The following SOD1 variants were observed in gnomAD, a reference collection of about 807,000 sequenced individuals.
SOD1 encodes the protein superoxide dismutase [Cu-Zn].
SOD1 carries 8 observed loss-of-function variants against 15.9 expected under a neutral mutation model. The observed-to-expected ratio is 0.50, with a 90% CI of 0.30 to 0.91. The LOEUF is 0.91. Ranked by LOEUF, SOD1 falls within the 40% of genes least tolerant of loss-of-function variation. The pLI is 0.07. For synonymous variants in SOD1, 86 were observed against 71.2 expected, an observed-to-expected ratio of 1.21 and a Z score of -1.04; for missense variants, 137 against 194.5, an observed-to-expected ratio of 0.70 and a Z score of 1.76.
In SOD1 at chr21:31,667,844, C is replaced by A. The variant is rs17881732; in HGVS notation, c.357+469C>A. Among the ~76,000 whole-genome samples the A allele has an allele frequency of 0.016, 2,498 of 152,252 alleles. 31 individuals carry two copies. Among genetic ancestry groups the A allele is most frequent in the Middle Eastern group, 0.034 (10 of 294 alleles). On this transcript the variant is annotated intron_variant, in intron 4 of 4. Coordinates refer to ENST00000270142, the MANE Select transcript of SOD1 (RefSeq NM_000454.5). Reference sequence around the variant, plus strand: ...CCTGGGGAACTGCATCTGGTTCTTGCAAAACACCAAGTAGACAGGCTCTCT... The same window carrying A: ...CCTGGGGAACTGCATCTGGTTCTTGAAAAACACCAAGTAGACAGGCTCTCT...
chr21:31,668,435 G>C, intron 4 of SOD1, 36 bp from the exon 5 acceptor site: 1 of 1,485,564 alleles, frequency 6.7e-7, no homozygotes, highest in African/African-American at 1.4e-5. Context: ...GTGATTACTT[G>C]ACAGCCCAAA....
intron 1 of SOD1, chr21:31,661,496 T>A (rs2049548406): frequency 6.6e-6 from 1 of 152,466 alleles, no homozygotes. Flanking sequence ...CCCGGGTAGC[T>A]GGGACTACAG....
intron 4 of SOD1, 94 bp from the exon 5 acceptor site, chr21:31,668,374 CTAA>C (rs2049616611): frequency 3.7e-6 from 3 of 814,822 alleles, no homozygotes; most frequent in Admixed American, 1.8e-5. Context: ...TGTTATTTTT[CTAA>C]TATTATGAGG....
intron 3 of SOD1, chr21:31,666,947 AAATTT>A (rs1051369463): frequency 8.6e-5 from 36 of 417,696 alleles, no homozygotes; most frequent in South Asian, 2.0e-4. Context: ...GAAAAATATT[AAATTT>A]AAGGACAAGA....
chr21:31,668,795 T>C lies in SOD1; in HGVS notation c.*217T>C, dbSNP rs1161045457. 9.3e-6 allele frequency: 5 copies of C among 534,830 alleles called. No individual in the cohort carries two copies. In the African/African-American group the frequency reaches 9.6e-5, roughly 10 times the overall value. The allele number at this position is 534,830 out of a possible 1,614,324, so 33.1% of individuals were successfully genotyped here. On this transcript the variant is annotated 3_prime_UTR_variant, in exon 5 of 5. Transcript: ENST00000270142. ...AACTCAGTTAAAATGTCTGTTTCAATGACCTGTATTTTGCCAGACTTAAAT... is the reference window on the plus strand; with the variant it reads ...AACTCAGTTAAAATGTCTGTTTCAACGACCTGTATTTTGCCAGACTTAAAT...
In SOD1 at chr21:31,666,531, T is replaced by G; in HGVS notation, c.239+13T>G. 1 of 1,581,040 alleles carries G rather than the reference T, an allele frequency of 6.3e-7. No homozygotes were observed. The highest frequency in any genetic ancestry group is 8.7e-7 in the Non-Finnish European group (1 of 1,150,560). ...AGGATGAAGAGAGGTAACAAGATGCTTAACTCTTGTAATAATGGCGATAGC... is the reference window on the plus strand; with the variant it reads ...AGGATGAAGAGAGGTAACAAGATGCGTAACTCTTGTAATAATGGCGATAGC... On this transcript the variant is annotated intron_variant, in intron 3 of 4. Transcript: ENST00000270142.
Position 31,668,478 on chromosome 21 carries a change from A to G in SOD1, c.365A>G (p.Glu122Gly), listed in dbSNP as rs1555836922. 1.2e-6 allele frequency: 2 copies of G among 1,613,720 alleles called. No homozygotes were observed. The highest frequency in any genetic ancestry group is 2.2e-5 in the East Asian group (1 of 44,854). Reference sequence around the variant, plus strand: ...TCTTAAAATTTTTTACAGGTCCATGAAAAAGCAGATGACTTGGGCAAAGGT... The same window carrying G: ...TCTTAAAATTTTTTACAGGTCCATGGAAAAGCAGATGACTTGGGCAAAGGT... ...CIIGRTLVVH[E>G]KADDLGKGGN... The change falls in exon 5 of 5, where the codon GAA (glutamate) becomes GGA (glycine). Residue 122 changes from glutamate to glycine, a missense_variant. Physicochemically the swap from Glu to Gly is moderately conservative, Grantham distance 98. Transcript: ENST00000270142.
At chr21:31,665,906 A>C (rs551177192) in intron 2 of SOD1, among the ~76,000 whole-genome samples, 39 of 152,090 alleles carry the variant, frequency 2.6e-4, no homozygotes, top group African/African-American at 9.4e-4. Flanking sequence ...TACAGTGAAG[A>C]AGCCAAAGCC....
At chr21:31,666,262 C>G (rs145990495) in intron 2 of SOD1, among the ~76,000 whole-genome samples, 187 bp from the exon 3 acceptor site, 1 of 152,286 alleles carries the variant, frequency 6.6e-6, no homozygotes, top group African/African-American at 2.4e-5. Flanking sequence ...GTGTTAGCCA[C>G]CATGCCTGGC....
intron 4 of SOD1, 142 bp from the exon 5 acceptor site, chr21:31,668,326 AACT>A (rs1469133222): frequency 1.5e-6 from 1 of 647,216 alleles, no homozygotes; most frequent in African/African-American, 1.8e-5. Flanking sequence ...TCTACTTTTA[AACT>A]ACTAAATATT....
intron 2 of SOD1, among the ~76,000 whole-genome samples, chr21:31,664,852 G>A (rs17882986): frequency 2.8e-4 from 42 of 152,170 alleles, no homozygotes; most frequent in African/African-American, 8.9e-4. Flanking sequence ...TCCTGACCTC[G>A]TGATCCGCCT....
chr21:31,660,007 G>A, intron 1 of SOD1, 166 bp downstream of exon 1: 1 of 535,298 alleles, frequency 1.9e-6, no homozygotes, highest in Non-Finnish European at 3.1e-6. Flanking sequence ...CAGCGGTGCG[G>A]TGCCCAAGTG....
intron 2 of SOD1, chr21:31,664,218 C>T (rs1195527881): frequency 6.0e-6 from 2 of 333,056 alleles, no homozygotes; most frequent in African/African-American, 2.1e-5. Context: ...AGTGGTCTAT[C>T]CTCCTCGACC....
In SOD1 at chr21:31,668,712, A is replaced by G. The variant is rs2049621897; in HGVS notation, c.*134A>G. The G allele has an allele frequency of 4.2e-6, 3 of 713,050 alleles. No homozygotes were observed. The highest frequency in any genetic ancestry group is 3.5e-5 in the African/African-American group (2 of 56,586). 44.2% of individuals were successfully genotyped at this position (713,050 alleles called of 1,614,324 possible). Reference sequence around the variant, plus strand: ...TGTGACTTTTTCAGAGTTGCTTTAAAGTACCTGTAGTGAGAAACTGATTTA... The same window carrying G: ...TGTGACTTTTTCAGAGTTGCTTTAAGGTACCTGTAGTGAGAAACTGATTTA... On this transcript the variant is annotated 3_prime_UTR_variant, in exon 5 of 5. Coordinates refer to ENST00000270142, the MANE Select transcript of SOD1 (RefSeq NM_000454.5).
At chr21:31,666,767 A>G (rs1014685647) in intron 3 of SOD1, 6 of 538,376 alleles carry the variant, frequency 1.1e-5, no homozygotes, top group South Asian at 4.1e-5. Flanking sequence ...AACTAATACA[A>G]GTGCCAAAGG....
Position 31,667,604 on chromosome 21 carries a change from C to T in SOD1, c.357+229C>T, listed in dbSNP as rs76734991. On this transcript the variant is annotated intron_variant, in intron 4 of 4. Coordinates refer to ENST00000270142, the MANE Select transcript of SOD1 (RefSeq NM_000454.5). ...GCAGTAAAAAGCAGGTTACATTTGA[C>T]CATATTAGATCTGAGTTTGGAAAAC... Among the ~76,000 whole-genome samples, 664 of 152,228 alleles carry T rather than the reference C, an allele frequency of 4.4e-3. 4 individuals are homozygous for T. Among genetic ancestry groups the T allele is most frequent in the African/African-American group, 0.015 (617 of 41,530 alleles).
chr21:31,662,396 A>G (rs1033288585), intron 1 of SOD1, among the ~76,000 whole-genome samples: 2 of 152,118 alleles, frequency 1.3e-5, no homozygotes, highest in Non-Finnish European at 2.9e-5. Flanking sequence ...ATGCCCCTTA[A>G]CTGTTGGCCG....
At chr21:31,660,546 C>T (rs2049539758) in intron 1 of SOD1, 1 of 152,214 alleles carries the variant, frequency 6.6e-6, no homozygotes, top group African/African-American at 2.4e-5. Flanking sequence ...TCCTTTTCCT[C>T]CTCCTAAGCT....
Position 31,659,813 on chromosome 21 carries a change from T to C in SOD1, c.44T>C (p.Val15Ala), listed in dbSNP as rs1202989817. The C allele has an allele frequency of 3.7e-6, 6 of 1,613,724 alleles. No individual in the cohort carries two copies. The East Asian group carries it at 1.1e-4, about 30-fold the overall frequency. ...AVCVLKGDGP[V>A]QGIINFEQKE... ...TGCGTGCTGAAGGGCGACGGCCCAG[T>C]GCAGGGCATCATCAATTTCGAGCAG... The change falls in exon 1 of 5, where the codon GTG (valine) becomes GCG (alanine). Residue 15 changes from valine (V) to alanine (A), a missense_variant. Val to Ala is a moderately conservative substitution (Grantham distance 64). Coordinates refer to ENST00000270142, the MANE Select transcript of SOD1 (RefSeq NM_000454.5).
Sources: allele counts gnomAD v4.1 joint callset (sites outside exome capture counted in the v4.1 genomes callset), GRCh38; gene constraint gnomAD v4.1.1; transcripts MANE v1.5; gene names NCBI Gene and HGNC (gene_info 2026-07-23, HGNC 2026-07-21).